R3HDM2: variants seen among roughly 807,000 people sequenced by gnomAD.
The protein encoded by R3HDM2 is R3H domain-containing protein 2.
Under a neutral mutation model 124.5 loss-of-function variants are expected in R3HDM2, and 38 were observed. That is an observed-to-expected ratio of 0.31 (90% confidence interval 0.24 to 0.40). The LOEUF (loss-of-function observed/expected upper bound fraction) is 0.40, where lower values mean the gene tolerates loss of function less well. R3HDM2 is among the 10% of genes least tolerant of loss of function. The pLI, the probability that R3HDM2 is intolerant of heterozygous loss-of-function variation, is 1.00. For missense variants in R3HDM2, 869 were observed against 1,236.9 expected, an observed-to-expected ratio of 0.70 and a Z score of 4.46; for synonymous variants, 391 against 448.0, an observed-to-expected ratio of 0.87 and a Z score of 1.61.
At chr12:57,267,376 G>A (rs1357983053) in intron 18 of R3HDM2, among the ~76,000 whole-genome samples, 2 of 152,152 alleles carry the variant, frequency 1.3e-5, no homozygotes, top group Non-Finnish European at 1.5e-5. Context: ...CCAACATGGC[G>A]AAACCCCGTC....
chr12:57,299,115 T>C (rs2050540874), intron 6 of R3HDM2, among the ~76,000 whole-genome samples: 1 of 152,240 alleles, frequency 6.6e-6, no homozygotes, highest in South Asian at 2.1e-4. Flanking sequence ...ATTGACTACA[T>C]TGTCCTCCTA....
chr12:57,334,975 CAAA>C (rs781478665), intron 2 of R3HDM2, among the ~76,000 whole-genome samples: 4 of 120,812 alleles, frequency 3.3e-5, no homozygotes, highest in Non-Finnish European at 5.4e-5. Context: ...CCACCTCTAC[CAAA>C]AAAAAAAAAA....
chr12:57,358,608 C>T (rs572833318), intron 2 of R3HDM2, among the ~76,000 whole-genome samples: 2 of 149,334 alleles, frequency 1.3e-5, no homozygotes, highest in East Asian at 3.9e-4. Context: ...GGCACCATTG[C>T]ACTCCAGCCT....
At chr12:57,338,612 G>A (rs987352418) in intron 2 of R3HDM2, among the ~76,000 whole-genome samples, 4 of 151,968 alleles carry the variant, frequency 2.6e-5, no homozygotes, top group East Asian at 3.9e-4. Flanking sequence ...GGCTGGTCTC[G>A]AACCCCAGAC....
At chr12:57,364,974 G>T (rs1349178642) in intron 2 of R3HDM2, among the ~76,000 whole-genome samples, 1 of 133,870 alleles carries the variant, frequency 7.5e-6, no homozygotes, top group Non-Finnish European at 1.6e-5. Context: ...AAAAAAAAAG[G>T]ACACCAGGCC....
At chr12:57,303,870 G>A (rs1415236425) in intron 3 of R3HDM2, among the ~76,000 whole-genome samples, 1 of 152,110 alleles carries the variant, frequency 6.6e-6, no homozygotes, top group Non-Finnish European at 1.5e-5. Context: ...ACTGATAAAA[G>A]TTACTTTTGG....
At chr12:57,256,362 C>G in intron 22 of R3HDM2, 52 bp downstream of exon 22, 1 of 1,411,276 alleles carries the variant, frequency 7.1e-7, no homozygotes, top group South Asian at 1.3e-5. Context: ...CACAGGCACC[C>G]AAATAAGAAG....
intron 2 of R3HDM2, among the ~76,000 whole-genome samples, chr12:57,373,934 C>T (rs964381201): frequency 1.3e-5 from 2 of 151,752 alleles, no homozygotes; most frequent in Non-Finnish European, 2.9e-5. Flanking sequence ...TCAGGACCAG[C>T]CTGGCCAACA....
At chr12:57,362,654 T>C (rs553940048) in intron 2 of R3HDM2, among the ~76,000 whole-genome samples, 2 of 152,326 alleles carry the variant, frequency 1.3e-5, no homozygotes, top group African/African-American at 4.8e-5. Flanking sequence ...ATTTCACCTC[T>C]CCCAATCTTT....
At chr12:57,339,761 G>T (rs2059333157) in intron 2 of R3HDM2, among the ~76,000 whole-genome samples, 1 of 151,890 alleles carries the variant, frequency 6.6e-6, no homozygotes, top group South Asian at 2.1e-4. Flanking sequence ...TAAGGGAGTG[G>T]GCTAGGAGAG....
chr12:57,382,148 T>G (rs1046675321), intron 2 of R3HDM2, among the ~76,000 whole-genome samples: 4 of 151,836 alleles, frequency 2.6e-5, no homozygotes, highest in African/African-American at 9.7e-5. Context: ...AGGCAGGGTC[T>G]CTATTGTTCA....
chr12:57,271,467 C>T (rs2043584417), intron 14 of R3HDM2, among the ~76,000 whole-genome samples: 1 of 152,202 alleles, frequency 6.6e-6, no homozygotes, highest in Non-Finnish European at 1.5e-5. Context: ...CACACGCACA[C>T]ACAACTAGCA....
chr12:57,306,152 A>G (rs1175894815), intron 3 of R3HDM2, among the ~76,000 whole-genome samples: 1 of 152,214 alleles, frequency 6.6e-6, no homozygotes, highest in Non-Finnish European at 1.5e-5. Context: ...TATTTATAAC[A>G]GGGACCAAGG....
intron 2 of R3HDM2, among the ~76,000 whole-genome samples, chr12:57,339,628 G>A (rs1336707210): frequency 2.6e-5 from 4 of 151,886 alleles, no homozygotes; most frequent in African/African-American, 9.7e-5. Flanking sequence ...AACCCGGGAG[G>A]TGGAAGTTGC....
chr12:57,360,269 C>T (rs901340068), intron 2 of R3HDM2, among the ~76,000 whole-genome samples: 2 of 151,294 alleles, frequency 1.3e-5, no homozygotes, highest in African/African-American at 2.4e-5. Context: ...CTCAGGTGAG[C>T]GACCCACCTC....
At chr12:57,405,653 C>G (rs1370297761) in intron 1 of R3HDM2, among the ~76,000 whole-genome samples, 1 of 152,078 alleles carries the variant, frequency 6.6e-6, no homozygotes, top group Non-Finnish European at 1.5e-5. Flanking sequence ...ACAGACCAAC[C>G]TACAGTCCAA....
chr12:57,428,309 A>G (rs992562781), intron 1 of R3HDM2, among the ~76,000 whole-genome samples: 3 of 151,942 alleles, frequency 2.0e-5, no homozygotes, highest in African/African-American at 7.3e-5. Context: ...TTAGGGGAAA[A>G]GGGTGCCACA....
Position 57,370,402 on chromosome 12 carries a change from G to C in R3HDM2, c.-36+25347C>G, listed in dbSNP as rs530874911. Among the ~76,000 whole-genome samples the C allele has an allele frequency of 9.1e-5, 12 of 131,924 alleles. 2 individuals carry two copies. Among genetic ancestry groups the C allele is most frequent in the East Asian group, 2.2e-4 (1 of 4,552 alleles). 86.5% of individuals were successfully genotyped at this position (131,924 alleles called of 152,430 possible). On this transcript the variant is annotated intron_variant, in intron 2 of 23. Transcript: ENST00000402412. ...TCACAGCACTTTGGGAGGCCCGGGG[G>C]GGGGGGGCGGGGTGGATCACCTGAG...
At chr12:57,338,218 G>T (rs2059114934) in intron 2 of R3HDM2, among the ~76,000 whole-genome samples, 1 of 152,136 alleles carries the variant, frequency 6.6e-6, no homozygotes, top group South Asian at 2.1e-4. Flanking sequence ...CAGGAGAATT[G>T]CTTGAACCCG....
Sources: allele counts gnomAD v4.1 joint callset (sites outside exome capture counted in the v4.1 genomes callset), GRCh38; gene constraint gnomAD v4.1.1; transcripts MANE v1.5; gene names NCBI Gene and HGNC (gene_info 2026-07-23, HGNC 2026-07-21).